GGCT: variants seen among roughly 807,000 people sequenced by gnomAD.
GGCT encodes the protein cytochrome c-releasing factor 21.
A neutral mutation model predicts 22.1 loss-of-function variants in GGCT; 20 were observed. The ratio of observed to expected loss-of-function variants is 0.91; its 90% CI spans 0.64 to 1.32. GGCT has a LOEUF of 1.32. Ranked by LOEUF, GGCT falls within the 40% of genes most tolerant of loss-of-function variation. The pLI, the probability that GGCT is intolerant of heterozygous loss-of-function variation, is 0.00. For missense variants in GGCT, 209 were observed against 223.5 expected, an observed-to-expected ratio of 0.94 and a Z score of 0.41; for synonymous variants, 72 against 78.4, an observed-to-expected ratio of 0.92 and a Z score of 0.43.
chr7:30,497,277 T>A, intron 3 of GGCT, 42 bp from the exon 4 acceptor site: 2 of 1,504,504 alleles, frequency 1.3e-6, no homozygotes. Flanking sequence ...ACCCTTTCAG[T>A]TAGGAATATA....
chr7:30,497,902 G>C, intron 3 of GGCT: 2 of 1,384,198 alleles, frequency 1.4e-6, no homozygotes, highest in Admixed American at 2.6e-5. Flanking sequence ...TCCACCTAGG[G>C]ATGAAAAACA....
chr7:30,502,702 C>A (rs1161386193), intron 1 of GGCT, among the ~76,000 whole-genome samples: 1 of 152,216 alleles, frequency 6.6e-6, no homozygotes, highest in African/African-American at 2.4e-5. Context: ...TCTCTTCACA[C>A]TCAATCACTA....
intron 1 of GGCT, among the ~76,000 whole-genome samples, chr7:30,503,138 ACATTTT>A (rs1789741366): frequency 1.3e-5 from 2 of 152,210 alleles, no homozygotes; most frequent in Non-Finnish European, 2.9e-5. Context: ...CTTAAAAGTC[ACATTTT>A]CAGGCAGGGC....
rs941289902 is a variant in GGCT at position 30,500,735 on chromosome 7, C to T, written c.142-54G>A. ...AATATCCACTTGAATCCAAATTTCCCTCATCAAAATAAAAAGGATTTACCT... is the reference window on the plus strand; with the variant it reads ...AATATCCACTTGAATCCAAATTTCCTTCATCAAAATAAAAAGGATTTACCT... On this transcript the variant is annotated intron_variant, in intron 1 of 3. Transcript: ENST00000275428. 9 of 1,482,518 alleles carry T rather than the reference C, an allele frequency of 6.1e-6. No individual in the cohort carries two copies. The African/African-American group carries it at 1.1e-4, about 18-fold the overall frequency. The allele number at this position is 1,482,518 out of a possible 1,614,324, so 91.8% of individuals were successfully genotyped here.
intron 1 of GGCT, among the ~76,000 whole-genome samples, chr7:30,503,897 GT>G (rs1354733751): frequency 7.0e-6 from 1 of 142,860 alleles, no homozygotes; most frequent in Admixed American, 7.5e-5. Context: ...TGTCAAAAAG[GT>G]TTTGAACATA....
chr7:30,504,488 C>G (rs953105364), intron 1 of GGCT, 81 bp downstream of exon 1: 3 of 1,509,556 alleles, frequency 2.0e-6, no homozygotes, highest in Non-Finnish European at 2.7e-6. Context: ...ATTCCTGGCC[C>G]GATCGGCCAC....
At chr7:30,497,622 A>G (rs905160394) in intron 3 of GGCT, 4 of 507,732 alleles carry the variant, frequency 7.9e-6, no homozygotes, top group Non-Finnish European at 9.5e-6. Flanking sequence ...CTTGCTCTGA[A>G]TTGGACATGG....
In GGCT at chr7:30,497,120, A is replaced by G; in HGVS notation, c.539T>C (p.Ile180Thr). ...AAGAGTTTGTGTTTCCCCCTTTTTG[A>G]TGATGTCTTCAATTTCTTCTGAGAC... ...GKVSEEIEDI[I>T]KKGETQTL Residue 180 changes from isoleucine to threonine, a missense_variant, in exon 4 of 4, where the codon ATC (isoleucine) becomes ACC (threonine). Transcript: ENST00000275428. 3 of 1,602,882 alleles carry G rather than the reference A, an allele frequency of 1.9e-6. No homozygotes were observed. Among genetic ancestry groups the G allele is most frequent in the Non-Finnish European group, 1.7e-6 (2 of 1,171,688 alleles).
At chr7:30,499,136 G>T in intron 2 of GGCT, 198 bp from the exon 3 acceptor site, 1 of 586,338 alleles carries the variant, frequency 1.7e-6, no homozygotes, top group Non-Finnish European at 3.1e-6. Flanking sequence ...TTTAGGCTGG[G>T]TACGGTGGCT....
At position 30,497,042 on chromosome 7, in the gene GGCT, A is replaced by T; in HGVS notation, c.*50T>A. On this transcript the variant is annotated 3_prime_UTR_variant, in exon 4 of 4. Transcript: ENST00000275428. ...CAGATCCCTGTTCTCAAGTGTTAAA[A>T]ATATTTTATATTAGCACATAGAATA... is the stretch of plus-strand genomic sequence containing the variant. 5.5e-6 allele frequency: 7 copies of T among 1,272,658 alleles called. No individual in the cohort carries two copies. The South Asian group carries it at 9.7e-5, about 18-fold the overall frequency. The allele number at this position is 1,272,658 out of a possible 1,614,324, so 78.8% of individuals were successfully genotyped here.
At chr7:30,502,185 C>G (rs1290309279) in intron 1 of GGCT, among the ~76,000 whole-genome samples, 2 of 152,184 alleles carry the variant, frequency 1.3e-5, no homozygotes, top group Admixed American at 6.5e-5. Context: ...GATGCAAGAA[C>G]TTTTTTGCTT....
At chr7:30,498,608 G>C (rs1163829596) in intron 3 of GGCT, among the ~76,000 whole-genome samples, 195 bp downstream of exon 3, 2 of 152,104 alleles carry the variant, frequency 1.3e-5, no homozygotes, top group Non-Finnish European at 2.9e-5. Flanking sequence ...TAGTAGAGAT[G>C]AGGTTTCACC....
At chr7:30,501,685 G>A (rs779802686) in intron 1 of GGCT, among the ~76,000 whole-genome samples, 1 of 152,110 alleles carries the variant, frequency 6.6e-6, no homozygotes, top group African/African-American at 2.4e-5. Context: ...GGCTTATTTG[G>A]TCTAGGAAGA....
chr7:30,498,805 T>C lies in GGCT; in HGVS notation c.421A>G (p.Lys141Glu). The C allele has an allele frequency of 1.9e-6, 3 of 1,611,876 alleles. No homozygotes were observed. The highest frequency in any genetic ancestry group is 2.5e-6 in the Non-Finnish European group (3 of 1,178,066). ...ESAPPSPQYKKIICMGAKENG... is the reference protein window; with the variant it reads ...ESAPPSPQYKEIICMGAKENG... Reference sequence around the variant, plus strand: ...CCACCAGTCTGTAAATAGCTTACCTTTTTATACTGTGGGGATGGGGGAGCA... The same window carrying C: ...CCACCAGTCTGTAAATAGCTTACCTCTTTATACTGTGGGGATGGGGGAGCA... Residue 141 changes from lysine to glutamate, a missense_variant and splice_region_variant, in exon 3 of 4, where the codon AAG becomes GAG. Coordinates refer to ENST00000275428, the MANE Select transcript of GGCT (RefSeq NM_024051.4).
chr7:30,504,792 G>A lies in GGCT; in HGVS notation c.-83C>T. 3.5e-6 allele frequency: 5 copies of A among 1,410,060 alleles called. No individual in the cohort carries two copies. In the East Asian group the frequency reaches 6.9e-5, roughly 19 times the overall value. 87.3% of individuals were successfully genotyped at this position (1,410,060 alleles called of 1,614,324 possible). A position where few individuals can be genotyped will look rare whatever the true frequency, so the allele number is the denominator to read the frequency against. On this transcript the variant is annotated 5_prime_UTR_variant, in exon 1 of 4. Coordinates refer to ENST00000275428, the MANE Select transcript of GGCT (RefSeq NM_024051.4). The stretch of plus-strand genomic sequence containing the variant: ...CGCAACACTGGGGCCCACTACCCCG[G>A]CGCAGTGACCGCCGCGCGGCAGCCT...
chr7:30,504,614 G>A lies in GGCT; in HGVS notation c.96C>T (p.His32=), dbSNP rs1343749252. 12 of 1,614,114 alleles carry A rather than the reference G, an allele frequency of 7.4e-6. No individual in the cohort carries two copies. Among genetic ancestry groups the A allele is most frequent in the Non-Finnish European group, 1.0e-5 (12 of 1,179,974 alleles). The change falls in exon 1 of 4, where the codon CAC becomes CAT. Residue 32 remains histidine, a synonymous_variant. Transcript: ENST00000275428. The part of the protein sequence containing the change: ...YGSNLLTERI[H]LRNPSAAFFC... ...AGAACGCCGCCGAGGGGTTTCGGAG[G>A]TGGATCCTCTCTGTCAGCAGGTTGC...
Position 30,498,888 on chromosome 7 carries a change from G to T in GGCT, c.338C>A (p.Ala113Glu). The change falls in exon 3 of 4, where the codon GCA becomes GAA. Residue 113 changes from alanine to glutamate, a missense_variant. Physicochemically the swap from Ala to Glu is moderately radical, Grantham distance 107 (BLOSUM62 -1). Coordinates refer to ENST00000275428, the MANE Select transcript of GGCT (RefSeq NM_024051.4). ...GGTTATTTCTTTTCCTTCTTGAGTT[G>T]CAACTTTAACTTCTATTACAACATA... ...GMYVVIEVKV[A>E]TQEGKEITCR... 1 of 1,612,818 alleles carries T rather than the reference G, an allele frequency of 6.2e-7. No individual in the cohort carries two copies. The highest frequency in any genetic ancestry group is 8.5e-7 in the Non-Finnish European group (1 of 1,178,846).
chr7:30,497,791 TA>T, intron 3 of GGCT: 7 of 1,464,424 alleles, frequency 4.8e-6, no homozygotes, highest in Non-Finnish European at 6.4e-6. Flanking sequence ...GAGCTAAGCT[TA>T]GGTTCTGAAC....
rs563056663 is a variant in GGCT at position 30,504,791 on chromosome 7, G to C, written c.-82C>G. ...GCGCAACACTGGGGCCCACTACCCCGGCGCAGTGACCGCCGCGCGGCAGCC... is the reference window on the plus strand; with the variant it reads ...GCGCAACACTGGGGCCCACTACCCCCGCGCAGTGACCGCCGCGCGGCAGCC... On this transcript the variant is annotated 5_prime_UTR_variant, in exon 1 of 4. Transcript: ENST00000275428. The C allele has an allele frequency of 2.8e-6, 4 of 1,417,656 alleles. No individual in the cohort carries two copies. The South Asian group carries it at 3.5e-5, about 12-fold the overall frequency. 87.8% of individuals were successfully genotyped at this position (1,417,656 alleles called of 1,614,324 possible).
Sources: allele counts gnomAD v4.1 joint callset (sites outside exome capture counted in the v4.1 genomes callset), GRCh38; gene constraint gnomAD v4.1.1; transcripts MANE v1.5; gene names NCBI Gene and HGNC (gene_info 2026-07-23, HGNC 2026-07-21).